Variants in LIG1 observed in about 807,000 individuals in gnomAD.
LIG1 encodes DNA ligase 1, also known as ligase I, DNA, ATP-dependent.
A neutral mutation model predicts 115.7 loss-of-function variants in LIG1; 70 were observed. The ratio of observed to expected loss-of-function variants is 0.60; its 90% CI spans 0.50 to 0.74. The LOEUF (loss-of-function observed/expected upper bound fraction) is 0.74. Ranked by LOEUF, LIG1 falls within the 30% of genes least tolerant of loss-of-function variation. The pLI is 0.00. For missense variants in LIG1, 1,115 were observed against 1,225.6 expected, an observed-to-expected ratio of 0.91 and a Z score of 1.35; for synonymous variants, 487 against 495.3, an observed-to-expected ratio of 0.98 and a Z score of 0.22.
Position 48,137,153 on chromosome 19 carries a change from G to A in LIG1, c.1255-69C>T, listed in dbSNP as rs879069630. 1.3e-4 allele frequency: 166 copies of A among 1,300,344 alleles called. 2 individuals are homozygous for A. In the South Asian group the frequency reaches 1.5e-3, roughly 12 times the overall value. 80.6% of individuals were successfully genotyped at this position (1,300,344 alleles called of 1,614,324 possible). A position where few individuals can be genotyped will look rare whatever the true frequency, so the allele number is the denominator to read the frequency against. ...GGACCACACCTCCACCCCACCAGCC[G>A]TGCTGCTGCCCTGCATTTTGGAATA... On this transcript the variant is annotated intron_variant, in intron 13 of 27. Coordinates refer to ENST00000263274, the MANE Select transcript of LIG1 (RefSeq NM_000234.3). The surrounding 1 kb of genome is among the most constrained non-coding windows in gnomAD (Gnocchi z 4.3).
intron 24 of LIG1, chr19:48,120,969 C>T (rs546247239): frequency 9.5e-5 from 139 of 1,458,008 alleles, no homozygotes; most frequent in Non-Finnish European, 1.2e-4. Flanking sequence ...ACATTCCTGA[C>T]ATCTTTCTAT....
intron 24 of LIG1, chr19:48,120,596 T>G: frequency 1.0e-6 from 1 of 978,696 alleles, no homozygotes; most frequent in South Asian, 4.7e-5. Flanking sequence ...CACTTTACAT[T>G]TCCCAGAATT....
At chr19:48,126,441 A>G (rs2033673044) in intron 21 of LIG1, among the ~76,000 whole-genome samples, 1 of 152,098 alleles carries the variant, frequency 6.6e-6, no homozygotes, top group Non-Finnish European at 1.5e-5. Context: ...CCCCGTCTCT[A>G]CTAAAAATAC....
At chr19:48,166,306 A>G (rs971997821) in intron 1 of LIG1, among the ~76,000 whole-genome samples, 1 of 152,230 alleles carries the variant, frequency 6.6e-6, no homozygotes, top group African/African-American at 2.4e-5. Flanking sequence ...CTGAGGCAGG[A>G]GAATCGCTTG....
At chr19:48,120,303 G>A in intron 24 of LIG1, 3 of 985,362 alleles carry the variant, frequency 3.0e-6, no homozygotes, top group Non-Finnish European at 3.6e-6. Context: ...TATTGCTTAA[G>A]GGCATATACA....
chr19:48,136,131 G>T lies in LIG1; in HGVS notation c.1332-6C>A. On this transcript the variant is annotated splice_polypyrimidine_tract_variant and splice_region_variant and intron_variant, in intron 14 of 27. Transcript: ENST00000263274. ...GCAGCCGTCCGCTCAGGGACCTGGG[G>T]AGAGAGCAGGCCAGGGAAGGGGGCT... 1 of 1,561,350 alleles carries T rather than the reference G, an allele frequency of 6.4e-7. No homozygotes were observed. Among genetic ancestry groups the T allele is most frequent in the South Asian group, 1.2e-5 (1 of 84,810 alleles).
At chr19:48,117,441 C>T (rs566713818) in intron 26 of LIG1, among the ~76,000 whole-genome samples, 197 bp downstream of exon 26, 4 of 152,252 alleles carry the variant, frequency 2.6e-5, no homozygotes, top group Admixed American at 1.3e-4. Context: ...ATTACAGGCA[C>T]GAGCCCCCAT....
At chr19:48,134,166 T>G in intron 16 of LIG1, 100 bp from the exon 17 acceptor site, 2 of 1,072,020 alleles carry the variant, frequency 1.9e-6, no homozygotes, top group Non-Finnish European at 2.8e-6. Flanking sequence ...GGCTCCTGGA[T>G]GCCTCTGCCC....
chr19:48,127,927 T>C lies in LIG1; in HGVS notation c.1915A>G (p.Thr639Ala), dbSNP rs201804541. ...GATGCTACCTTGCGTTTGCGGGTGGTGAGCACTTGGAATGGCTGGATCTGC... is the reference window on the plus strand; with the variant it reads ...GATGCTACCTTGCGTTTGCGGGTGGCGAGCACTTGGAATGGCTGGATCTGC... The part of the protein sequence containing the change: ...KKQIQPFQVL[T>A]TRKRKEVDAS... The change falls in exon 20 of 28, where the codon ACC becomes GCC. Residue 639 changes from threonine to alanine, a missense_variant. Physicochemically the swap from Thr to Ala is moderately conservative, Grantham distance 58. Transcript: ENST00000263274. The C allele has an allele frequency of 2.5e-6, 4 of 1,614,062 alleles. No homozygotes were observed. Among genetic ancestry groups the C allele is most frequent in the Middle Eastern group, 3.3e-4 (2 of 6,028 alleles).
In LIG1 at chr19:48,137,373, GT is replaced by G. The variant is rs1319688620; in HGVS notation, c.1254+148del. 9.8e-7 allele frequency: 1 copy of G among 1,015,724 alleles called. No homozygotes were observed. The highest frequency in any genetic ancestry group is 1.5e-6 in the Non-Finnish European group (1 of 684,282). 62.9% of individuals were successfully genotyped at this position (1,015,724 alleles called of 1,614,324 possible). A position where few individuals can be genotyped will look rare whatever the true frequency, so the allele number is the denominator to read the frequency against. ...GAAGAGGAGACTCCCCTAGGATTGG[GT>G]GCAGGAAGGAGGAGAGGAAGCTGTG... On this transcript the variant is annotated intron_variant, in intron 13 of 27. Coordinates refer to ENST00000263274, the MANE Select transcript of LIG1 (RefSeq NM_000234.3). The surrounding 1 kb of genome is among the most constrained non-coding windows in gnomAD (Gnocchi z 4.3).
At chr19:48,146,884 A>AC (rs1357404413) in intron 9 of LIG1, among the ~76,000 whole-genome samples, 1 of 151,928 alleles carries the variant, frequency 6.6e-6, no homozygotes, top group Non-Finnish European at 1.5e-5. Context: ...CCCTACCCCC[A>AC]CCTCCCTGTG....
At position 48,149,257 on chromosome 19, in the gene LIG1, A is replaced by T. The variant is rs138994382; in HGVS notation, c.776+506T>A. ...GGCTGTGGTGAGCTGAGACAGCACC[A>T]CTGCACTGCAGGCTAGGCGACAGAG... On this transcript the variant is annotated intron_variant, in intron 9 of 27. Coordinates refer to ENST00000263274, the MANE Select transcript of LIG1 (RefSeq NM_000234.3). Among the ~76,000 whole-genome samples, 636 of 152,318 alleles carry T rather than the reference A, an allele frequency of 4.2e-3. 5 individuals are homozygous for T. Among genetic ancestry groups the T allele is most frequent in the African/African-American group, 0.015 (620 of 41,558 alleles).
intron 26 of LIG1, chr19:48,116,226 G>A (rs1251851150): frequency 1.2e-5 from 5 of 432,786 alleles, no homozygotes; most frequent in South Asian, 4.1e-5. Context: ...GGTGGATCAC[G>A]AGGTCAGGAG....
At chr19:48,157,719 AT>A (rs1282956938) in intron 4 of LIG1, among the ~76,000 whole-genome samples, 1 of 151,482 alleles carries the variant, frequency 6.6e-6, no homozygotes, top group Non-Finnish European at 1.5e-5. Flanking sequence ...TAATTTTTGT[AT>A]TTTTTTTATA....
intron 1 of LIG1, among the ~76,000 whole-genome samples, chr19:48,167,022 T>C (rs2036522383): frequency 6.6e-6 from 1 of 150,464 alleles, no homozygotes; most frequent in Non-Finnish European, 1.5e-5. Flanking sequence ...GTTCTTAATC[T>C]GGGGTCCACA....
At chr19:48,138,464 T>C (rs937325289) in intron 12 of LIG1, among the ~76,000 whole-genome samples, 2 of 152,176 alleles carry the variant, frequency 1.3e-5, no homozygotes, top group East Asian at 1.9e-4. Flanking sequence ...ACAGAGCACA[T>C]GAAGGTGGGC....
chr19:48,169,047 G>T (rs142454523), intron 1 of LIG1, among the ~76,000 whole-genome samples: 44 of 152,244 alleles, frequency 2.9e-4, no homozygotes, highest in Non-Finnish European at 4.6e-4. Flanking sequence ...AAGAAACGAA[G>T]CACTGATACA....
Position 48,123,280 on chromosome 19 carries a change from C to T in LIG1, c.2043G>A (p.Leu681=). The change falls in exon 22 of 28, where the codon CTG becomes CTA. Residue 681 remains leucine, a synonymous_variant. Transcript: ENST00000263274. Reference sequence around the variant, plus strand: ...CTGTCTCCACAAAGTTCTCCCGGAGCAGCTGCCGGCGCCGGGAAAGGGGCT... The same window carrying T: ...CTGTCTCCACAAAGTTCTCCCGGAGTAGCTGCCGGCGCCGGGAAAGGGGCT... ...VREPLSRRRQ[L]LRENFVETEG... 2 of 1,614,046 alleles carry T rather than the reference C, an allele frequency of 1.2e-6. No individual in the cohort carries two copies. Among genetic ancestry groups the T allele is most frequent in the East Asian group, 2.2e-5 (1 of 44,876 alleles).
Position 48,119,248 on chromosome 19 carries a change from C to T in LIG1, c.2386-58G>A, listed in dbSNP as rs2033092757. ...GCCAGCCACAGGCCCAGCACTTGCT[C>T]CTGCCATCTAAAGCTGTGTACACTC... On this transcript the variant is annotated intron_variant, in intron 24 of 27. Transcript: ENST00000263274. The T allele has an allele frequency of 2.1e-6, 3 of 1,398,242 alleles. No homozygotes were observed. In the Admixed American group the frequency reaches 5.8e-5, roughly 27 times the overall value. The allele number at this position is 1,398,242 out of a possible 1,614,324, so 86.6% of individuals were successfully genotyped here. A position where few individuals can be genotyped will look rare whatever the true frequency, so the allele number is the denominator to read the frequency against.
Sources: gnomAD v4.1 joint callset for allele counts (sites outside exome capture counted in the v4.1 genomes callset) on GRCh38, gnomAD v4.1.1 for gene constraint, Gnocchi (gnomAD v3.1) non-coding constraint, MANE v1.5 for transcripts, NCBI Gene and HGNC (gene_info 2026-07-23, HGNC 2026-07-21) for gene names.